RBFOX1: variants seen among roughly 807,000 people sequenced by gnomAD.
RBFOX1 encodes RNA binding protein fox-1 homolog 1.
Under a neutral mutation model 57.7 loss-of-function variants are expected in RBFOX1, and 8 were observed. That is an observed-to-expected ratio of 0.14 (90% CI 0.08 to 0.25). RBFOX1 has a LOEUF of 0.25. Ranked by LOEUF, RBFOX1 falls within the 10% of genes least tolerant of loss-of-function variation. The pLI, the probability that RBFOX1 is intolerant of heterozygous loss-of-function variation, is 1.00. For synonymous variants in RBFOX1, 326 were observed against 222.4 expected, an observed-to-expected ratio of 1.47 and a Z score of -4.15; for missense variants, 611 against 548.5, an observed-to-expected ratio of 1.11 and a Z score of -1.14.
chr16:6,940,767 T>A (rs1338375641), intron 3 of RBFOX1, among the ~76,000 whole-genome samples: 1 of 42,694 alleles, frequency 2.3e-5, no homozygotes, highest in South Asian at 8.8e-4. Context: ...CCCGCTAGTG[T>A]GTGTGTGTGT....
intron 3 of RBFOX1, among the ~76,000 whole-genome samples, chr16:6,795,088 G>A (rs958214042): frequency 6.6e-5 from 10 of 152,086 alleles, no homozygotes; most frequent in Admixed American, 2.0e-4. Context: ...AAAAAAATGA[G>A]TTTCCATTTC....
upstream of RBFOX1, among the ~76,000 whole-genome samples, chr16:6,018,172 G>A (rs1444942505): frequency 1.3e-5 from 2 of 151,706 alleles, no homozygotes; most frequent in African/African-American, 4.9e-5. Context: ...GAGAAAGGAA[G>A]GAAGGGAGGA....
chr16:6,469,673 T>C (rs1254029891), intron 2 of RBFOX1, among the ~76,000 whole-genome samples: 1 of 152,172 alleles, frequency 6.6e-6, no homozygotes, highest in East Asian at 1.9e-4. Flanking sequence ...CTCCTCCTGT[T>C]TTCTTACCTC....
chr16:7,611,260 C>T (rs982397816), intron 10 of RBFOX1, among the ~76,000 whole-genome samples: 5 of 152,094 alleles, frequency 3.3e-5, no homozygotes, highest in African/African-American at 1.2e-4. Context: ...TAGACTTGTC[C>T]CTAACATTTA....
intron 14 of RBFOX1, among the ~76,000 whole-genome samples, chr16:7,707,648 G>A (rs1598632076): frequency 6.6e-6 from 1 of 152,072 alleles, no homozygotes; most frequent in African/African-American, 2.4e-5. Flanking sequence ...CATGTCAGAG[G>A]AAGCCACTTT....
At chr16:5,317,219 C>T (rs532078789) in intron 1 of RBFOX1, among the ~76,000 whole-genome samples, 1 of 152,298 alleles carries the variant, frequency 6.6e-6, no homozygotes, top group Non-Finnish European at 1.5e-5. Flanking sequence ...CTCTCAATCT[C>T]TCGATATATG....
intron 2 of RBFOX1, among the ~76,000 whole-genome samples, chr16:5,539,140 T>G (rs2044826837): frequency 6.6e-6 from 1 of 152,186 alleles, no homozygotes; most frequent in Non-Finnish European, 1.5e-5. Context: ...CACCTGGGCT[T>G]CCAGGTGCAT....
At chr16:6,327,074 C>G (rs183575203) in intron 2 of RBFOX1, among the ~76,000 whole-genome samples, 2 of 152,302 alleles carry the variant, frequency 1.3e-5, no homozygotes, top group Non-Finnish European at 2.9e-5. Flanking sequence ...ACCTGAATGG[C>G]TCTAACATGC....
chr16:7,136,148 G>T (rs375148484), intron 4 of RBFOX1, among the ~76,000 whole-genome samples: 1 of 152,190 alleles, frequency 6.6e-6, no homozygotes, highest in Non-Finnish European at 1.5e-5. Context: ...ACAGTAAATG[G>T]AAAGACCTCA....
At chr16:5,657,892 A>G (rs911690737) in intron 3 of RBFOX1, among the ~76,000 whole-genome samples, 4 of 151,536 alleles carry the variant, frequency 2.6e-5, no homozygotes, top group Admixed American at 2.0e-4. Flanking sequence ...CAACAACGCC[A>G]GGCTAATTTT....
chr16:7,685,208 T>A (rs887740721), intron 14 of RBFOX1, among the ~76,000 whole-genome samples: 3 of 152,120 alleles, frequency 2.0e-5, no homozygotes, highest in African/African-American at 7.2e-5. Context: ...TATGCCATAA[T>A]GTTGACAAAG....
chr16:5,272,455 G>A (rs1038237082), intron 1 of RBFOX1, among the ~76,000 whole-genome samples: 2 of 152,160 alleles, frequency 1.3e-5, no homozygotes, highest in African/African-American at 2.4e-5. Context: ...CAGAGTCCTT[G>A]GTCCACGAAT....
intron 4 of RBFOX1, among the ~76,000 whole-genome samples, chr16:7,402,146 T>C (rs1167958305): frequency 6.6e-6 from 1 of 152,164 alleles, no homozygotes; most frequent in African/African-American, 2.4e-5. Flanking sequence ...TTGAAAAATA[T>C]ATATATTGTG....
rs982889123 is a variant in RBFOX1 at position 6,129,891 on chromosome 16, A to G, written c.-127+109899A>G. Among the ~76,000 whole-genome samples the G allele has an allele frequency of 1.3e-5, 2 of 152,312 alleles. 1 individual carries two copies. The highest frequency in any genetic ancestry group is 6.8e-3 in the Middle Eastern group (2 of 294). The stretch of plus-strand genomic sequence containing the variant: ...CAATCATATGACATCTTTAAAGTTC[A>G]GAAAGAAACAAAACAAAACACTGTC... On this transcript the variant is annotated intron_variant, in intron 1 of 15. Transcript: ENST00000550418.
intron 1 of RBFOX1, among the ~76,000 whole-genome samples, chr16:6,166,498 T>C (rs990675166): frequency 1.3e-5 from 2 of 152,164 alleles, no homozygotes; most frequent in Admixed American, 1.3e-4. Context: ...TTCCATCACA[T>C]ATCTCTGTTT....
intron 4 of RBFOX1, among the ~76,000 whole-genome samples, chr16:5,874,740 T>C (rs1000733273): frequency 6.6e-6 from 1 of 152,000 alleles, no homozygotes; most frequent in Admixed American, 6.6e-5. Context: ...AACCAGGAGT[T>C]TGAGACCAGC....
At chr16:5,875,957 C>G (rs562750683) in intron 4 of RBFOX1, among the ~76,000 whole-genome samples, 1 of 152,002 alleles carries the variant, frequency 6.6e-6, no homozygotes, top group Admixed American at 6.5e-5. Context: ...CATTCTCCTG[C>G]CTCAGCCTCC....
At chr16:7,525,291 TTG>T (rs150976254) in intron 5 of RBFOX1, among the ~76,000 whole-genome samples, 6 of 151,022 alleles carry the variant, frequency 4.0e-5, no homozygotes, top group African/African-American at 7.3e-5. Context: ...AGTCATTATT[TTG>T]TGTGTGTGTG....
chr16:6,626,907 C>T (rs766637134), intron 2 of RBFOX1, among the ~76,000 whole-genome samples: 6 of 152,122 alleles, frequency 3.9e-5, no homozygotes, highest in Non-Finnish European at 8.8e-5. Flanking sequence ...TTGGAAGGAC[C>T]TTATACACAA....
Sources: allele counts gnomAD v4.1 joint callset (sites outside exome capture counted in the v4.1 genomes callset), GRCh38; gene constraint gnomAD v4.1.1; transcripts MANE v1.5; gene names NCBI Gene and HGNC (gene_info 2026-07-23, HGNC 2026-07-21).